POT1: variants seen among roughly 807,000 people sequenced by gnomAD.
POT1 encodes the protein protection of telomeres protein 1.
In POT1, 47 loss-of-function variants were observed where a neutral mutation model predicts 78.5. The ratio of observed to expected loss-of-function variants is 0.60; its 90% CI spans 0.47 to 0.76. The LOEUF (loss-of-function observed/expected upper bound fraction) is 0.76. POT1 is among the 30% of genes least tolerant of loss of function. The pLI, the probability that POT1 is intolerant of heterozygous loss-of-function variation, is 0.00. For missense variants in POT1, 646 were observed against 749.9 expected (o/e 0.86, Z 1.62); for synonymous variants, 259 against 260.7 (o/e 0.99, Z 0.06).
rs149798323 is a variant in POT1 at position 124,863,084 on chromosome 7, T to C, written c.546+266A>G. Among the ~76,000 whole-genome samples the C allele has an allele frequency of 4.6e-3, 701 of 152,292 alleles. 1 individual carries two copies. The highest frequency in any genetic ancestry group is 7.5e-3 in the Non-Finnish European group (513 of 68,014). ...AGAAAACAAGTCTACATCTTATTACTACTAAAATTTTAAAAATGCATCAGT... is the reference window on the plus strand; with the variant it reads ...AGAAAACAAGTCTACATCTTATTACCACTAAAATTTTAAAAATGCATCAGT... On this transcript the variant is annotated intron_variant, in intron 8 of 18. Transcript: ENST00000357628.
At chr7:124,838,186 C>G (rs1794940527) in intron 14 of POT1, among the ~76,000 whole-genome samples, 1 of 151,914 alleles carries the variant, frequency 6.6e-6, no homozygotes, top group Non-Finnish European at 1.5e-5. Context: ...ACTGGAAGCC[C>G]TATCTAATGC....
chr7:124,886,902 GT>G (rs767309449), intron 6 of POT1, among the ~76,000 whole-genome samples: 5 of 151,520 alleles, frequency 3.3e-5, no homozygotes, highest in African/African-American at 9.7e-5. Context: ...CATATTTTAA[GT>G]TTTTTTTAAA....
At chr7:124,903,238 C>G (rs1183952365) in intron 3 of POT1, among the ~76,000 whole-genome samples, 7 of 152,206 alleles carry the variant, frequency 4.6e-5, no homozygotes. Context: ...CTCAGCACCA[C>G]ATCGCACTTA....
intron 6 of POT1, among the ~76,000 whole-genome samples, chr7:124,887,650 A>G (rs1319651157): frequency 6.6e-6 from 1 of 152,128 alleles, no homozygotes; most frequent in Non-Finnish European, 1.5e-5. Context: ...AACAACATCC[A>G]TGTTTCACTA....
chr7:124,891,980 T>C (rs1027242681), intron 6 of POT1, among the ~76,000 whole-genome samples: 1 of 151,732 alleles, frequency 6.6e-6, no homozygotes, highest in Non-Finnish European at 1.5e-5. Context: ...CATTTGTTTA[T>C]ATATTTACCT....
At chr7:124,857,624 C>A (rs1361913960) in intron 9 of POT1, among the ~76,000 whole-genome samples, 1 of 152,180 alleles carries the variant, frequency 6.6e-6, no homozygotes, top group African/African-American at 2.4e-5. Context: ...ATGGTGTAAC[C>A]TGGGAGAAGA....
intron 2 of POT1, among the ~76,000 whole-genome samples, chr7:124,921,885 A>G (rs1253389519): frequency 6.6e-6 from 1 of 152,148 alleles, no homozygotes; most frequent in African/African-American, 2.4e-5. Flanking sequence ...AAATATTTCA[A>G]GAAATATTAT....
chr7:124,844,485 C>G (rs1795112977), intron 12 of POT1, among the ~76,000 whole-genome samples: 1 of 149,000 alleles, frequency 6.7e-6, no homozygotes, highest in Non-Finnish European at 1.5e-5. Context: ...GCCTGTAATC[C>G]CAGCACTTTG....
intron 6 of POT1, among the ~76,000 whole-genome samples, chr7:124,873,177 T>C (rs1045147417): frequency 2.0e-5 from 3 of 152,192 alleles, no homozygotes; most frequent in Non-Finnish European, 4.4e-5. Flanking sequence ...CATTTGTCTA[T>C]TCTTGCTTTC....
chr7:124,826,208 C>A (rs1245646649), intron 17 of POT1, among the ~76,000 whole-genome samples: 1 of 152,110 alleles, frequency 6.6e-6, no homozygotes, highest in Non-Finnish European at 1.5e-5. Flanking sequence ...CCCTATCTGG[C>A]AATATATTAT....
intron 3 of POT1, among the ~76,000 whole-genome samples, chr7:124,904,440 C>T (rs925372532): frequency 1.2e-4 from 19 of 152,152 alleles, no homozygotes; most frequent in Non-Finnish European, 1.9e-4. Flanking sequence ...CAACAAAATT[C>T]GACAGCCCTT....
At chr7:124,869,142 C>A (rs1354420585) in intron 7 of POT1, among the ~76,000 whole-genome samples, 1 of 152,100 alleles carries the variant, frequency 6.6e-6, no homozygotes, top group Admixed American at 6.6e-5. Context: ...TGGAGCCATG[C>A]ATGGTCTGTT....
intron 3 of POT1, among the ~76,000 whole-genome samples, chr7:124,903,916 A>G (rs1482587504): frequency 6.6e-6 from 1 of 152,248 alleles, no homozygotes; most frequent in Non-Finnish European, 1.5e-5. Flanking sequence ...TAGAAACTCT[A>G]GAAGAAATGG....
At chr7:124,917,853 C>G (rs899920953) in intron 2 of POT1, among the ~76,000 whole-genome samples, 3 of 152,056 alleles carry the variant, frequency 2.0e-5, no homozygotes, top group African/African-American at 7.2e-5. Flanking sequence ...ACTCCTAGCA[C>G]CTGCGAAAGG....
intron 1 of POT1, 36 bp downstream of exon 1, chr7:124,929,758 C>T (rs2116735669): frequency 6.6e-6 from 1 of 152,364 alleles, no homozygotes; most frequent in Non-Finnish European, 1.5e-5. Flanking sequence ...GGCACCCACT[C>T]AAATGAACAC....
At chr7:124,919,047 C>G (rs915370478) in intron 2 of POT1, among the ~76,000 whole-genome samples, 1 of 152,154 alleles carries the variant, frequency 6.6e-6, no homozygotes, top group Non-Finnish European at 1.5e-5. Flanking sequence ...GTGTGAACAT[C>G]AGAGTATGCC....
At chr7:124,883,565 C>CA (rs1231735274) in intron 6 of POT1, among the ~76,000 whole-genome samples, 1 of 151,872 alleles carries the variant, frequency 6.6e-6, no homozygotes, top group Non-Finnish European at 1.5e-5. Flanking sequence ...ATACATTAAA[C>CA]AAAGAGGACA....
At chr7:124,837,935 CTA>C (rs1794935522) in intron 14 of POT1, among the ~76,000 whole-genome samples, 1 of 151,824 alleles carries the variant, frequency 6.6e-6, no homozygotes, top group African/African-American at 2.4e-5. Flanking sequence ...CATTAATAGG[CTA>C]AAGAAGAAAA....
intron 15 of POT1, among the ~76,000 whole-genome samples, chr7:124,833,228 C>T (rs116397486): frequency 0.011 from 1,607 of 152,164 alleles, 26 homozygotes; most frequent in African/African-American, 0.036. Context: ...CATACACTTT[C>T]GCTTTATGGC....
Sources: gnomAD v4.1 joint callset for allele counts (sites outside exome capture counted in the v4.1 genomes callset) on GRCh38, gnomAD v4.1.1 for gene constraint, MANE v1.5 for transcripts, NCBI Gene and HGNC (gene_info 2026-07-23, HGNC 2026-07-21) for gene names.